YME1L1: variants seen among roughly 807,000 people sequenced by gnomAD.
YME1L1 encodes the protein YME1 like 1 ATPase.
A neutral mutation model predicts 90.4 loss-of-function variants in YME1L1; 39 were observed. That is an observed-to-expected ratio of 0.43 (90% CI 0.33 to 0.56). The LOEUF is 0.56. YME1L1 is among the 20% of genes least tolerant of loss of function. The pLI, the probability that YME1L1 is intolerant of heterozygous loss-of-function variation, is 0.03. For missense variants in YME1L1, 617 were observed against 868.4 expected (o/e 0.71, Z 3.64); for synonymous variants, 284 against 287.3 (o/e 0.99, Z 0.12).
rs991775876 is a variant in YME1L1 at position 27,132,327 on chromosome 10, G to A, written c.776-386C>T. Among the ~76,000 whole-genome samples the A allele has an allele frequency of 1.5e-3, 234 of 151,570 alleles. 2 individuals are homozygous for A. The highest frequency in any genetic ancestry group is 5.4e-3 in the African/African-American group (225 of 41,398). ...TTGGTCAGGCTGGTCTTGAACTCCT[G>A]ACCTCAGGTGATCCACCCGCCTCAG... On this transcript the variant is annotated intron_variant, in intron 7 of 18. Coordinates refer to ENST00000376016, the MANE Select transcript of YME1L1 (RefSeq NM_014263.4).
intron 2 of YME1L1, chr10:27,147,511 G>T (rs1430639462): frequency 6.2e-7 from 1 of 1,610,940 alleles, no homozygotes; most frequent in Non-Finnish European, 8.5e-7. Context: ...GATTGAGAGG[G>T]AGAAGGGTTC....
chr10:27,145,088 CG>C (rs1236553367), intron 3 of YME1L1, among the ~76,000 whole-genome samples: 1 of 152,030 alleles, frequency 6.6e-6, no homozygotes, highest in African/African-American at 2.4e-5. Context: ...TTGCAGTGAG[CG>C]GAGATTGTGC....
rs2057284584 is a variant in YME1L1 at position 27,154,266 on chromosome 10, A to T, written c.-56T>A. 3 of 1,565,182 alleles carry T rather than the reference A, an allele frequency of 1.9e-6. No individual in the cohort carries two copies. In the Admixed American group the frequency reaches 5.7e-5, roughly 30 times the overall value. On this transcript the variant is annotated 5_prime_UTR_variant, in exon 1 of 19. Coordinates refer to ENST00000376016, the MANE Select transcript of YME1L1 (RefSeq NM_014263.4). ...CTGCCGAAACTGTGCCCCTCTGTCC[A>T]CGGCCCGGCGGGGAGGCGCTGAGCC...
chr10:27,135,970 GAGGTA>G (rs1305385814), intron 5 of YME1L1, among the ~76,000 whole-genome samples: 1 of 152,208 alleles, frequency 6.6e-6, no homozygotes, highest in East Asian at 1.9e-4. Flanking sequence ...ATGGATGTGG[GAGGTA>G]AGGCAACATG....
intron 4 of YME1L1, among the ~76,000 whole-genome samples, chr10:27,137,291 G>A (rs183059815): frequency 2.6e-5 from 4 of 151,920 alleles, no homozygotes; most frequent in South Asian, 2.1e-4. Flanking sequence ...TTCATTTTTC[G>A]TGCATATTTT....
chr10:27,127,810 T>C (rs946975903), intron 8 of YME1L1, among the ~76,000 whole-genome samples: 1 of 152,168 alleles, frequency 6.6e-6, no homozygotes, highest in Non-Finnish European at 1.5e-5. Context: ...TGAAAATTTA[T>C]GGATTTGTGC....
rs572196079 is a variant in YME1L1 at position 27,151,742 on chromosome 10, G to A, written c.33+2436C>T. 9.2e-5 allele frequency among the ~76,000 whole-genome samples: 14 copies of A among 152,226 alleles called. No individual in the cohort carries two copies. The East Asian group carries it at 2.1e-3, about 23-fold the overall frequency. ...TAAAAATACAAAAAATTAGCCGGGCGTGGTGGCGGGCGCCTGTGGTCCCAG... is the reference window on the plus strand; with the variant it reads ...TAAAAATACAAAAAATTAGCCGGGCATGGTGGCGGGCGCCTGTGGTCCCAG... On this transcript the variant is annotated intron_variant, in intron 1 of 18. Coordinates refer to ENST00000376016, the MANE Select transcript of YME1L1 (RefSeq NM_014263.4).
intron 1 of YME1L1, among the ~76,000 whole-genome samples, chr10:27,149,746 A>C (rs2057189351): frequency 1.5e-5 from 2 of 136,444 alleles, no homozygotes; most frequent in Admixed American, 7.7e-5. Flanking sequence ...AGAAACTACC[A>C]CAGAATGAAA....
Position 27,116,167 on chromosome 10 carries a change from A to G in YME1L1, c.1847-34T>C, listed in dbSNP as rs2297152. ...AAATAAAAACATACCATTTTAAAAC[A>G]TATCTTTAAGACCACATATAATTTG... is the stretch of plus-strand genomic sequence containing the variant. On this transcript the variant is annotated intron_variant, in intron 16 of 18. Coordinates refer to ENST00000376016, the MANE Select transcript of YME1L1 (RefSeq NM_014263.4). 337,046 of 1,613,046 alleles carry G rather than the reference A, an allele frequency of 0.21. 41,475 individuals carry two copies. Among genetic ancestry groups the G allele is most frequent in the East Asian group, 0.58 (26,092 of 44,832 alleles).
At chr10:27,147,667 C>T in intron 2 of YME1L1, 5 of 1,549,764 alleles carry the variant, frequency 3.2e-6, no homozygotes, top group Non-Finnish European at 4.4e-6. Flanking sequence ...ACTGAACATA[C>T]ACTGTAGGAA....
intron 4 of YME1L1, 37 bp downstream of exon 4, chr10:27,142,350 A>ATT: frequency 5.9e-6 from 7 of 1,179,118 alleles, no homozygotes; most frequent in South Asian, 1.9e-5. Context: ...GTAAATAAAT[A>ATT]TTTTTTTTTC....
intron 1 of YME1L1, among the ~76,000 whole-genome samples, chr10:27,153,685 A>C (rs1049784822): frequency 6.6e-6 from 1 of 152,330 alleles, no homozygotes; most frequent in African/African-American, 2.4e-5. Flanking sequence ...AATGAGAAAA[A>C]AACTTGCATG....
At position 27,111,753 on chromosome 10, in the gene YME1L1, C is replaced by G. The variant is rs1007580795; in HGVS notation, c.*224G>C. On this transcript the variant is annotated 3_prime_UTR_variant, in exon 19 of 19. Transcript: ENST00000376016. ...AGAGCTGTTTTCAATCCTGATAGTT[C>G]TTTATTTTTTCAAAATATATTTGCC... The G allele has an allele frequency of 1.6e-6, 1 of 635,806 alleles. No homozygotes were observed. The highest frequency in any genetic ancestry group is 1.8e-5 in the African/African-American group (1 of 55,114). The allele number at this position is 635,806 out of a possible 1,614,324, so 39.4% of individuals were successfully genotyped here.
chr10:27,148,766 G>C, intron 2 of YME1L1, 140 bp downstream of exon 2: 1 of 947,282 alleles, frequency 1.1e-6, no homozygotes, highest in South Asian at 1.5e-5. Context: ...TAGGGTATTA[G>C]TAGTTAAGTT....
intron 4 of YME1L1, among the ~76,000 whole-genome samples, chr10:27,139,314 C>G (rs549744407): frequency 6.6e-6 from 1 of 152,148 alleles, no homozygotes; most frequent in African/African-American, 2.4e-5. Flanking sequence ...TCACCTCAGC[C>G]TCCCAAGTAT....
At chr10:27,119,192 A>C in intron 14 of YME1L1, 102 bp downstream of exon 14, 1 of 1,157,088 alleles carries the variant, frequency 8.6e-7, no homozygotes, top group Non-Finnish European at 1.2e-6. Context: ...ATTAGATTCA[A>C]CATAGCCATG....
rs1189723202 is a variant in YME1L1 at position 27,112,096 on chromosome 10, T to C, written c.2032A>G (p.Ile678Val). Reference sequence around the variant, plus strand: ...TGCTCCTTTGCATGAGTTTTCAAGATATGTTTTGCTCGTTCATATGAGTCC... The same window carrying C: ...TGCTCCTTTGCATGAGTTTTCAAGACATGTTTTGCTCGTTCATATGAGTCC... ...LRDSYERAKH[I>V]LKTHAKEHKN... The change falls in exon 19 of 19, where the codon ATC becomes GTC. Residue 678 changes from isoleucine (I) to valine (V), a missense_variant. Around this residue, in one of 4 missense-constraint regions of YME1L1, gnomAD observed 212 missense variants for 330.0 expected, o/e 0.64. Transcript: ENST00000376016. 11 of 1,613,702 alleles carry C rather than the reference T, an allele frequency of 6.8e-6. No individual in the cohort carries two copies. The highest frequency in any genetic ancestry group is 9.3e-6 in the Non-Finnish European group (11 of 1,179,940).
intron 12 of YME1L1, among the ~76,000 whole-genome samples, chr10:27,120,814 C>A (rs1328991338): frequency 6.6e-6 from 1 of 152,152 alleles, no homozygotes; most frequent in Non-Finnish European, 1.5e-5. Context: ...GTAATTCAGT[C>A]CAGGAACAAA....
chr10:27,150,617 T>C (rs2135908709), intron 1 of YME1L1, among the ~76,000 whole-genome samples: 1 of 152,342 alleles, frequency 6.6e-6, no homozygotes, highest in South Asian at 2.1e-4. Context: ...CTGCTCATTA[T>C]GTGCTAATTA....
Sources: allele counts gnomAD v4.1 joint callset (sites outside exome capture counted in the v4.1 genomes callset), GRCh38; gene constraint gnomAD v4.1.1; regional missense constraint gnomAD v4.1.1; transcripts MANE v1.5; gene names NCBI Gene and HGNC (gene_info 2026-07-23, HGNC 2026-07-21).